The following CDC14A variants were observed in gnomAD, a reference collection of about 807,000 sequenced individuals.
CDC14A encodes dual specificity protein phosphatase CDC14A.
A neutral mutation model predicts 74.4 loss-of-function variants in CDC14A; 53 were observed. That is an observed-to-expected ratio of 0.71 (90% CI 0.57 to 0.89). The LOEUF (loss-of-function observed/expected upper bound fraction) is 0.89. Among genes scored for constraint, CDC14A ranks in the 40% least tolerant of loss-of-function variants. CDC14A has a pLI of 0.00. For missense variants in CDC14A, 646 were observed against 713.7 expected, an observed-to-expected ratio of 0.91 and a Z score of 1.08; for synonymous variants, 247 against 258.4, an observed-to-expected ratio of 0.96 and a Z score of 0.43.
intron 3 of CDC14A, among the ~76,000 whole-genome samples, chr1:100,381,102 T>G (rs1203711755): frequency 6.6e-6 from 1 of 152,244 alleles, no homozygotes; most frequent in Non-Finnish European, 1.5e-5. Flanking sequence ...GGATGTCATG[T>G]ATCTTTGTGT....
intron 4 of CDC14A, among the ~76,000 whole-genome samples, chr1:100,401,621 A>T (rs948464533): frequency 6.6e-6 from 1 of 152,206 alleles, no homozygotes; most frequent in African/African-American, 2.4e-5. Flanking sequence ...TTTTACTCTC[A>T]GCATTGTTTC....
intron 2 of CDC14A, among the ~76,000 whole-genome samples, chr1:100,354,292 T>A (rs1231697114): frequency 6.6e-6 from 1 of 152,218 alleles, no homozygotes; most frequent in Non-Finnish European, 1.5e-5. Context: ...ATGTTTTTGT[T>A]TGTGCAGCTC....
In CDC14A at chr1:100,518,365, T is replaced by C; in HGVS notation, c.*85T>C. On this transcript the variant is annotated 3_prime_UTR_variant, in exon 16 of 16. Coordinates refer to ENST00000336454, the MANE Select transcript of CDC14A (RefSeq NM_003672.4). ...AGCAGTGGAGAGGGAAAGCAACTTC[T>C]TGCTGGAAGAATATCTCTGCCTTCT... The C allele has an allele frequency of 9.5e-7, 1 of 1,054,358 alleles. No individual in the cohort carries two copies. Among genetic ancestry groups the C allele is most frequent in the African/African-American group, 1.6e-5 (1 of 63,942 alleles). 65.3% of individuals were successfully genotyped at this position (1,054,358 alleles called of 1,614,324 possible).
At chr1:100,461,163 C>T (rs987804279) in intron 8 of CDC14A, among the ~76,000 whole-genome samples, 3 of 152,184 alleles carry the variant, frequency 2.0e-5, no homozygotes, top group African/African-American at 7.2e-5. Context: ...AGAACCTGCT[C>T]CTGTTTTCTG....
intron 4 of CDC14A, among the ~76,000 whole-genome samples, chr1:100,417,048 C>T (rs1661618112): frequency 6.6e-6 from 1 of 152,204 alleles, no homozygotes; most frequent in Non-Finnish European, 1.5e-5. Context: ...ATTAGTCTTA[C>T]AGCCTACTTG....
chr1:100,386,166 A>T lies in CDC14A; in HGVS notation c.217-4566A>T, dbSNP rs546101016. Among the ~76,000 whole-genome samples the T allele has an allele frequency of 8.4e-3, 1,152 of 137,030 alleles. 2 individuals carry two copies. The highest frequency in any genetic ancestry group is 0.01 in the Non-Finnish European group (647 of 64,334). The allele number at this position is 137,030 out of a possible 152,430, so 89.9% of individuals were successfully genotyped here. On this transcript the variant is annotated intron_variant, in intron 3 of 15. Transcript: ENST00000336454. ...TGGGTGACAGAGTGAGATAGTATTTAAAAAAAAAAAAAAGAAGAGTATTTG... is the reference window on the plus strand; with the variant it reads ...TGGGTGACAGAGTGAGATAGTATTTTAAAAAAAAAAAAAGAAGAGTATTTG...
chr1:100,378,570 A>C (rs1655634143), intron 3 of CDC14A, among the ~76,000 whole-genome samples: 1 of 152,180 alleles, frequency 6.6e-6, no homozygotes, highest in Admixed American at 6.5e-5. Flanking sequence ...TCTGATAGAG[A>C]ATTTCCTGTA....
intron 4 of CDC14A, among the ~76,000 whole-genome samples, chr1:100,413,521 T>C (rs985796262): frequency 1.1e-4 from 17 of 152,218 alleles, no homozygotes; most frequent in Non-Finnish European, 2.1e-4. Context: ...GTATATACTC[T>C]AGTTACTAAA....
At chr1:100,420,033 C>CATATATATAT (rs1349627424) in intron 4 of CDC14A, among the ~76,000 whole-genome samples, 12 of 39,098 alleles carry the variant, frequency 3.1e-4, no homozygotes, top group Non-Finnish European at 5.0e-4. Flanking sequence ...TACATATATA[C>CATATATATAT]ACACACACAC....
At chr1:100,505,449 T>G (rs186181442) in intron 15 of CDC14A, among the ~76,000 whole-genome samples, 2 of 152,346 alleles carry the variant, frequency 1.3e-5, no homozygotes, top group Admixed American at 6.5e-5. Context: ...GTCCTTAAAG[T>G]AGGACCTGGA....
intron 5 of CDC14A, among the ~76,000 whole-genome samples, chr1:100,434,316 A>G (rs922956616): frequency 3.3e-5 from 5 of 152,156 alleles, no homozygotes; most frequent in African/African-American, 1.2e-4. Context: ...TGTGACTTGC[A>G]GATGTGCAGG....
chr1:100,409,111 A>G (rs1416173679), intron 4 of CDC14A, among the ~76,000 whole-genome samples: 1 of 152,186 alleles, frequency 6.6e-6, no homozygotes, highest in Non-Finnish European at 1.5e-5. Flanking sequence ...CCTCACAATC[A>G]TGGCAGAAGG....
In CDC14A at chr1:100,394,786, G is replaced by T. The variant is rs537527792; in HGVS notation, c.309+3962G>T. Reference sequence around the variant, plus strand: ...TTTGACACAAACCCTTAATACACACGGAACTAAAAATTGGCAGTGGATCCT... The same window carrying T: ...TTTGACACAAACCCTTAATACACACTGAACTAAAAATTGGCAGTGGATCCT... On this transcript the variant is annotated intron_variant, in intron 4 of 15. Coordinates refer to ENST00000336454, the MANE Select transcript of CDC14A (RefSeq NM_003672.4). Among the ~76,000 whole-genome samples the T allele has an allele frequency of 1.1e-4, 16 of 152,230 alleles. No individual in the cohort carries two copies. The East Asian group carries it at 2.9e-3, about 28-fold the overall frequency.
In CDC14A at chr1:100,491,568, A is replaced by AT. The variant is rs1255539504; in HGVS notation, c.1138-3249dup. Among the ~76,000 whole-genome samples the AT allele has an allele frequency of 3.8e-3, 288 of 76,522 alleles. 2 individuals carry two copies. Among genetic ancestry groups the AT allele is most frequent in the Non-Finnish European group, 4.7e-3 (197 of 42,188 alleles). 50.2% of individuals were successfully genotyped at this position (76,522 alleles called of 152,430 possible). A position where few individuals can be genotyped will look rare whatever the true frequency, so the allele number is the denominator to read the frequency against. The stretch of plus-strand genomic sequence containing the variant: ...TCTCTCTATATATATATATATATAT[A>AT]TATATTTTTTTTTTTTTTTTTTTTT... On this transcript the variant is annotated intron_variant, in intron 11 of 15. Transcript: ENST00000336454.
intron 6 of CDC14A, among the ~76,000 whole-genome samples, chr1:100,442,552 C>T (rs1172191500): frequency 1.3e-5 from 2 of 151,326 alleles, no homozygotes; most frequent in African/African-American, 4.8e-5. Flanking sequence ...ATTGATTTTT[C>T]TTCTCCTAAC....
chr1:100,374,860 AT>A (rs1454791137), intron 2 of CDC14A, among the ~76,000 whole-genome samples: 1 of 152,248 alleles, frequency 6.6e-6, no homozygotes, highest in African/African-American at 2.4e-5. Context: ...AACTTAAAGC[AT>A]TAATGAACAA....
At chr1:100,436,549 C>T (rs929146324) in intron 5 of CDC14A, among the ~76,000 whole-genome samples, 6 of 151,922 alleles carry the variant, frequency 3.9e-5, no homozygotes, top group East Asian at 1.9e-4. Context: ...CTCAGCCTCC[C>T]GAGTAGCTGG....
intron 5 of CDC14A, among the ~76,000 whole-genome samples, chr1:100,433,907 A>T (rs1308701925): frequency 6.6e-6 from 1 of 152,220 alleles, no homozygotes; most frequent in Non-Finnish European, 1.5e-5. Context: ...AATATTTAAC[A>T]GTTCACTCTT....
At chr1:100,388,973 G>A (rs1390810437) in intron 3 of CDC14A, among the ~76,000 whole-genome samples, 2 of 152,024 alleles carry the variant, frequency 1.3e-5, no homozygotes, top group Admixed American at 6.5e-5. Context: ...CCAGGAGTTC[G>A]AGACCAGCCT....
Sources: allele counts gnomAD v4.1 joint callset (sites outside exome capture counted in the v4.1 genomes callset), GRCh38; gene constraint gnomAD v4.1.1; transcripts MANE v1.5; gene names NCBI Gene and HGNC (gene_info 2026-07-23, HGNC 2026-07-21).